TRPC3: variants seen among roughly 807,000 people sequenced by gnomAD.
TRPC3 encodes short transient receptor potential channel 3.
A neutral mutation model predicts 90.9 loss-of-function variants in TRPC3; 54 were observed. That is an observed-to-expected ratio of 0.59 (90% CI 0.48 to 0.75). The LOEUF is 0.75. Ranked by LOEUF, TRPC3 falls within the 30% of genes least tolerant of loss-of-function variation. The probability of loss-of-function intolerance (pLI) is 0.00; values close to 1 mark genes in which losing one functional copy is unlikely to be tolerated. For missense variants in TRPC3, 918 were observed against 1,194.5 expected, an observed-to-expected ratio of 0.77 and a Z score of 3.41; for synonymous variants, 424 against 450.9, an observed-to-expected ratio of 0.94 and a Z score of 0.75.
chr4:121,943,192 C>CA (rs974589633), intron 1 of TRPC3, among the ~76,000 whole-genome samples: 1 of 151,954 alleles, frequency 6.6e-6, no homozygotes, highest in South Asian at 2.1e-4. Context: ...ATTTTCCCCC[C>CA]CTAGATTACA....
chr4:121,908,930 T>C (rs1224229214), intron 6 of TRPC3, among the ~76,000 whole-genome samples: 3 of 152,124 alleles, frequency 2.0e-5, no homozygotes, highest in African/African-American at 7.2e-5. Flanking sequence ...CTTTCAATGA[T>C]CCTATGGATT....
chr4:121,879,897 A>G lies in TRPC3; in HGVS notation c.2624-19T>C. ...AATTCACCTATAGTATTGATATTAA[A>G]AAATTATTGGTAAGTTGCTCTTTGG... On this transcript the variant is annotated intron_variant, in intron 11 of 11. Transcript: ENST00000379645. 1 of 1,517,898 alleles carries G rather than the reference A, an allele frequency of 6.6e-7. No homozygotes were observed. Among genetic ancestry groups the G allele is most frequent in the Non-Finnish European group, 8.8e-7 (1 of 1,141,336 alleles). The allele number at this position is 1,517,898 out of a possible 1,614,324, so 94.0% of individuals were successfully genotyped here.
chr4:121,930,951 T>C (rs1163502299), intron 2 of TRPC3: 30 of 219,830 alleles, frequency 1.4e-4, no homozygotes, highest in Non-Finnish European at 9.1e-6. Context: ...TTCTTTGTAT[T>C]TTCCCTTTTT....
chr4:121,932,219 C>G lies in TRPC3; in HGVS notation c.987+52G>C. The G allele has an allele frequency of 1.3e-6, 2 of 1,583,512 alleles. No homozygotes were observed. Among genetic ancestry groups the G allele is most frequent in the Non-Finnish European group, 1.7e-6 (2 of 1,162,522 alleles). ...GGTGGCAGAGCAGGCCAGGCAGCAG[C>G]GGGGAAGTTGGGTGAGCACACAGAG... On this transcript the variant is annotated intron_variant, in intron 2 of 11. Transcript: ENST00000379645. The surrounding 1 kb of genome is among the most constrained non-coding windows in gnomAD (Gnocchi z 7.7).
chr4:121,886,096 C>G (rs1728107509), intron 10 of TRPC3, among the ~76,000 whole-genome samples: 1 of 152,156 alleles, frequency 6.6e-6, no homozygotes, highest in Admixed American at 6.6e-5. Context: ...TCCGTTAAGA[C>G]TGGGAGAAGA....
intron 1 of TRPC3, among the ~76,000 whole-genome samples, chr4:121,940,116 G>A (rs973862499): frequency 1.3e-5 from 2 of 152,128 alleles, no homozygotes; most frequent in Non-Finnish European, 2.9e-5. Flanking sequence ...TTAGAAGATT[G>A]GGGGACAAGA....
rs1578585725 is a variant in TRPC3 at position 121,874,909 on chromosome 4, T to C, written c.*4827A>G. ...GCTATTTGAAGGCTGAGGCTCAAGATTGCTTGAGCCCAACAATCCAGCCTG... is the reference window on the plus strand; with the variant it reads ...GCTATTTGAAGGCTGAGGCTCAAGACTGCTTGAGCCCAACAATCCAGCCTG... On this transcript the variant is annotated 3_prime_UTR_variant, in exon 12 of 12. Coordinates refer to ENST00000379645, the MANE Select transcript of TRPC3 (RefSeq NM_001130698.2). 6.6e-6 allele frequency among the ~76,000 whole-genome samples: 1 copy of C among 152,154 alleles called. No homozygotes were observed. The highest frequency in any genetic ancestry group is 1.9e-4 in the East Asian group (1 of 5,188).
chr4:121,940,329 A>G (rs1389505565), intron 1 of TRPC3, among the ~76,000 whole-genome samples: 1 of 152,212 alleles, frequency 6.6e-6, no homozygotes, highest in Non-Finnish European at 1.5e-5. Context: ...CAAAAACAAA[A>G]CAAAATTTAA....
At chr4:121,921,870 G>T (rs1233860401) in intron 3 of TRPC3, among the ~76,000 whole-genome samples, 1 of 151,268 alleles carries the variant, frequency 6.6e-6, no homozygotes, top group Non-Finnish European at 1.5e-5. Context: ...GAAGATGGGT[G>T]AGTGTTGACT....
rs1728920951 is a variant in TRPC3, at chr4:121,907,424, T to A, written c.1936A>T (p.Thr646Ser). The change falls in exon 7 of 12, where the codon ACT becomes TCT. Residue 646 changes from threonine (T) to serine (S), a missense_variant. This residue lies in a region of TRPC3 where 147 missense variants were observed against 263.5 expected (regional missense o/e 0.56). Transcript: ENST00000379645. Reference protein sequence around the residue: ...FGPLQISLGRTVKDIFKFMVL... With the variant: ...FGPLQISLGRSVKDIFKFMVL... ...ATGAACTTGAATATGTCCTTTACAG[T>A]CCTTCCAAGAGAGATCTGCAGGGGG... 6.2e-7 allele frequency: 1 copy of A among 1,613,366 alleles called. No individual in the cohort carries two copies. The highest frequency in any genetic ancestry group is 1.3e-5 in the African/African-American group (1 of 74,858).
intron 10 of TRPC3, among the ~76,000 whole-genome samples, chr4:121,896,875 C>A (rs1728532408): frequency 6.6e-6 from 1 of 151,934 alleles, no homozygotes; most frequent in Non-Finnish European, 1.5e-5. Flanking sequence ...AAGTATCACA[C>A]AATCGGACCT....
chr4:121,915,943 A>C (rs530914023), intron 3 of TRPC3, among the ~76,000 whole-genome samples: 2 of 152,324 alleles, frequency 1.3e-5, no homozygotes, highest in South Asian at 2.1e-4. Flanking sequence ...TTTTTAAAGG[A>C]GTTCTTAGCA....
chr4:121,881,667 A>G (rs1342715396), intron 11 of TRPC3, among the ~76,000 whole-genome samples: 1 of 152,184 alleles, frequency 6.6e-6, no homozygotes, highest in African/African-American at 2.4e-5. Flanking sequence ...TTATCAGTGT[A>G]GATAGATTTA....
intron 4 of TRPC3, 50 bp downstream of exon 4, chr4:121,914,730 A>G (rs200419787): frequency 6.8e-7 from 1 of 1,461,898 alleles, no homozygotes; most frequent in Non-Finnish European, 9.2e-7. Flanking sequence ...TTTTATCCCA[A>G]AGAGACACAG....
chr4:121,905,010 G>T (rs866810718), intron 7 of TRPC3, among the ~76,000 whole-genome samples: 1 of 152,182 alleles, frequency 6.6e-6, no homozygotes, highest in South Asian at 2.1e-4. Context: ...TAGGGGACAG[G>T]CTAAATAATT....
rs1730478545 is a variant in TRPC3, at chr4:121,946,146, T to C, written c.215+5320A>G. Among the ~76,000 whole-genome samples the C allele has an allele frequency of 2.6e-5, 4 of 151,974 alleles. No individual in the cohort carries two copies. The South Asian group carries it at 8.3e-4, about 32-fold the overall frequency. On this transcript the variant is annotated intron_variant, in intron 1 of 11. Transcript: ENST00000379645. ...TTCCAGAAAAAGCAAAGAATAAAAA[T>C]AGTGGTTAGGAAAACTTCCCAGAAC... is the stretch of plus-strand genomic sequence containing the variant.
At chr4:121,908,589 C>T (rs1237533562) in intron 6 of TRPC3, among the ~76,000 whole-genome samples, 1 of 152,084 alleles carries the variant, frequency 6.6e-6, no homozygotes. Flanking sequence ...AACATGAATG[C>T]AGCTGGAGGC....
At position 121,879,692 on chromosome 4, in the gene TRPC3, G is replaced by A. The variant is rs182614387; in HGVS notation, c.*44C>T. On this transcript the variant is annotated 3_prime_UTR_variant, in exon 12 of 12. Coordinates refer to ENST00000379645, the MANE Select transcript of TRPC3 (RefSeq NM_001130698.2). Reference sequence around the variant, plus strand: ...GTATTTCATACTTAGAAATATTATTGCCCACATTTGTGCTATAGTCAAAGC... The same window carrying A: ...GTATTTCATACTTAGAAATATTATTACCCACATTTGTGCTATAGTCAAAGC... 1.3e-6 allele frequency: 2 copies of A among 1,562,228 alleles called. No individual in the cohort carries two copies. The highest frequency in any genetic ancestry group is 1.7e-6 in the Non-Finnish European group (2 of 1,161,160).
intron 10 of TRPC3, among the ~76,000 whole-genome samples, chr4:121,894,118 C>T (rs2149111151): frequency 6.6e-6 from 1 of 152,232 alleles, no homozygotes; most frequent in East Asian, 1.9e-4. Flanking sequence ...AAATGACTTA[C>T]TACAGTGTTG....
Sources: gnomAD v4.1 joint callset for allele counts (sites outside exome capture counted in the v4.1 genomes callset) on GRCh38, gnomAD v4.1.1 for gene constraint, gnomAD v4.1.1 regional missense constraint, Gnocchi (gnomAD v3.1) non-coding constraint, MANE v1.5 for transcripts, NCBI Gene and HGNC (gene_info 2026-07-23, HGNC 2026-07-21) for gene names.